Variants in NRCAM observed in about 807,000 individuals in gnomAD.
The protein encoded by NRCAM is NgCAM-related cell adhesion molecule.
In NRCAM, 83 loss-of-function variants were observed where a neutral mutation model predicts 156.5. That is an observed-to-expected ratio of 0.53 (90% CI 0.44 to 0.64). The LOEUF (loss-of-function observed/expected upper bound fraction) is 0.64, where lower values mean the gene tolerates loss of function less well. Among genes scored for constraint, NRCAM ranks in the 30% least tolerant of loss-of-function variants. NRCAM has a pLI of 0.00. For missense variants in NRCAM, 1,417 were observed against 1,597.3 expected, an observed-to-expected ratio of 0.89 and a Z score of 1.92; for synonymous variants, 538 against 563.9, an observed-to-expected ratio of 0.95 and a Z score of 0.65.
intron 28 of NRCAM, among the ~76,000 whole-genome samples, chr7:108,171,159 G>A (rs1264007186): frequency 6.6e-6 from 1 of 152,142 alleles, no homozygotes; most frequent in Non-Finnish European, 1.5e-5. Context: ...GGGAGCTGTA[G>A]TGTCCCCTTT....
rs576220176 is a variant in NRCAM at position 108,357,939 on chromosome 7, A to G, written c.-174+41497T>C. ...TCCCGCTTCACCTTAAATAGACTAC[A>G]TATGGTAGGGAGGGTGGGGAAGCCC... On this transcript the variant is annotated intron_variant, in intron 2 of 32. Coordinates refer to ENST00000379028, the MANE Select transcript of NRCAM (RefSeq NM_001037132.4). Among the ~76,000 whole-genome samples the G allele has an allele frequency of 5.1e-5, 5 of 97,900 alleles. No individual in the cohort carries two copies. In the East Asian group the frequency reaches 3.5e-3, roughly 68 times the overall value. The allele number at this position is 97,900 out of a possible 152,430, so 64.2% of individuals were successfully genotyped here.
At chr7:108,154,308 A>G (rs941701160) in intron 32 of NRCAM, among the ~76,000 whole-genome samples, 5 of 152,202 alleles carry the variant, frequency 3.3e-5, no homozygotes, top group Non-Finnish European at 7.3e-5. Flanking sequence ...TTATGCTATC[A>G]TAACTAGAAT....
chr7:108,179,449 G>A (rs867237047), intron 25 of NRCAM, among the ~76,000 whole-genome samples: 15 of 152,188 alleles, frequency 9.9e-5, no homozygotes, highest in South Asian at 4.1e-4. Flanking sequence ...AGCTAAGCAA[G>A]CTACAGAAGC....
intron 13 of NRCAM, among the ~76,000 whole-genome samples, chr7:108,203,875 C>A (rs2079550744): frequency 6.6e-6 from 1 of 152,196 alleles, no homozygotes; most frequent in South Asian, 2.1e-4. Context: ...AGCTTGTGCT[C>A]CCAGCTCACT....
chr7:108,200,831 C>T (rs1455556792), intron 13 of NRCAM, among the ~76,000 whole-genome samples: 1 of 151,622 alleles, frequency 6.6e-6, no homozygotes, highest in African/African-American at 2.4e-5. Context: ...TAATGGCATT[C>T]ACAGCAACCT....
intron 1 of NRCAM, among the ~76,000 whole-genome samples, chr7:108,432,736 T>C (rs1826937514): frequency 6.6e-6 from 1 of 152,162 alleles, no homozygotes; most frequent in Non-Finnish European, 1.5e-5. Context: ...ACCCCATCTC[T>C]ATTAAAAATA....
chr7:108,312,375 C>T (rs1012663974), intron 3 of NRCAM, among the ~76,000 whole-genome samples: 37 of 151,860 alleles, frequency 2.4e-4, no homozygotes, highest in African/African-American at 7.7e-4. Flanking sequence ...AGTGCTTTGC[C>T]TCTGCTCTCT....
In NRCAM at chr7:108,232,402, A is replaced by T. The variant is rs1469946820; in HGVS notation, c.351T>A (p.Tyr117Ter). 6.2e-7 allele frequency: 1 copy of T among 1,613,622 alleles called. No homozygotes were observed. Among genetic ancestry groups the T allele is most frequent in the Non-Finnish European group, 8.5e-7 (1 of 1,179,788 alleles). Residue 117 changes from tyrosine (Y) to a stop codon, truncating the protein, a stop_gained, in exon 7 of 33, where the codon TAT (tyrosine) becomes TAA (stop). Coordinates refer to ENST00000379028, the MANE Select transcript of NRCAM (RefSeq NM_001037132.4). LOFTEE classifies it high-confidence loss of function. Reference protein sequence around the residue: ...NIMSEGKAETYEGVYQCTARN... With the variant: ...NIMSEGKAET ...TTGCTGTACACTGATAGACTCCTTCATAGGTCTCAGCTTTCCCTTCGCTCA... is the reference window on the plus strand; with the variant it reads ...TTGCTGTACACTGATAGACTCCTTCTTAGGTCTCAGCTTTCCCTTCGCTCA...
chr7:108,302,350 T>C (rs560488685), intron 3 of NRCAM, among the ~76,000 whole-genome samples: 6 of 152,282 alleles, frequency 3.9e-5, no homozygotes, highest in Middle Eastern at 3.4e-3. Context: ...GCTAGTTCTC[T>C]TGGAGATGAC....
chr7:108,162,411 G>C (rs2049719905), intron 30 of NRCAM, among the ~76,000 whole-genome samples: 1 of 152,150 alleles, frequency 6.6e-6, no homozygotes, highest in South Asian at 2.1e-4. Flanking sequence ...AAAACCAAAT[G>C]GCATTAAGTC....
At chr7:108,316,416 G>A (rs1342711769) in intron 2 of NRCAM, among the ~76,000 whole-genome samples, 1 of 152,128 alleles carries the variant, frequency 6.6e-6, no homozygotes, top group East Asian at 1.9e-4. Context: ...GTACTCTGTT[G>A]CACAAAACAG....
At chr7:108,324,628 C>T (rs922351776) in intron 2 of NRCAM, among the ~76,000 whole-genome samples, 1 of 152,156 alleles carries the variant, frequency 6.6e-6, no homozygotes, top group African/African-American at 2.4e-5. Context: ...GGAAGCCTCC[C>T]TGTCCAGTCG....
At chr7:108,394,532 CTCTG>C (rs1212877814) in intron 2 of NRCAM, among the ~76,000 whole-genome samples, 3 of 152,206 alleles carry the variant, frequency 2.0e-5, no homozygotes, top group African/African-American at 7.2e-5. Context: ...TTGTCTCTGC[CTCTG>C]TCTTTCTCAT....
intron 19 of NRCAM, among the ~76,000 whole-genome samples, chr7:108,190,296 C>T (rs1022536737): frequency 2.6e-4 from 39 of 152,122 alleles, no homozygotes; most frequent in African/African-American, 8.9e-4. Context: ...TGTTTACTCC[C>T]AGAGGACAAC....
chr7:108,454,425 T>C (rs1447802462), intron 1 of NRCAM, among the ~76,000 whole-genome samples: 1 of 152,230 alleles, frequency 6.6e-6, no homozygotes. Context: ...GGAAAGTTAC[T>C]TGGTTTCTCT....
chr7:108,152,735 G>A (rs565203733), intron 32 of NRCAM, among the ~76,000 whole-genome samples: 298 of 152,228 alleles, frequency 2.0e-3, no homozygotes, highest in Admixed American at 7.3e-3. Flanking sequence ...AGCAGAGACC[G>A]CGCGGCCTGT....
Position 108,332,332 on chromosome 7 carries a change from A to G in NRCAM, c.-173-19601T>C, listed in dbSNP as rs115270354. The stretch of plus-strand genomic sequence containing the variant: ...AAAAATGTTCTTGATGCAAATTGGT[A>G]TATTTTTCAATATTTCAAGAGAATA... On this transcript the variant is annotated intron_variant, in intron 2 of 32. Coordinates refer to ENST00000379028, the MANE Select transcript of NRCAM (RefSeq NM_001037132.4). 4.5e-3 allele frequency among the ~76,000 whole-genome samples: 679 copies of G among 152,318 alleles called. 7 individuals carry two copies. The highest frequency in any genetic ancestry group is 0.016 in the African/African-American group (649 of 41,564).
rs535980136 is a variant in NRCAM, at chr7:108,165,100, T to C, written c.3466+1821A>G. On this transcript the variant is annotated intron_variant, in intron 30 of 32. Coordinates refer to ENST00000379028, the MANE Select transcript of NRCAM (RefSeq NM_001037132.4). ...ATTTTTATACATAGTAGATTCTTCATAAATAATCCAGAACCAGTAACCACA... is the reference window on the plus strand; with the variant it reads ...ATTTTTATACATAGTAGATTCTTCACAAATAATCCAGAACCAGTAACCACA... Among the ~76,000 whole-genome samples, 4 of 152,214 alleles carry C rather than the reference T, an allele frequency of 2.6e-5. 1 individual carries two copies. In the South Asian group the frequency reaches 8.3e-4, roughly 32 times the overall value.
chr7:108,356,133 G>A (rs1364852290), intron 2 of NRCAM, among the ~76,000 whole-genome samples: 1 of 152,106 alleles, frequency 6.6e-6, no homozygotes, highest in Non-Finnish European at 1.5e-5. Context: ...AGTTTTAGTA[G>A]AGACAGGGTT....
Sources: allele counts gnomAD v4.1 joint callset (sites outside exome capture counted in the v4.1 genomes callset), GRCh38; gene constraint gnomAD v4.1.1; transcripts MANE v1.5; gene names NCBI Gene and HGNC (gene_info 2026-07-23, HGNC 2026-07-21).